Variants in CCDC149 observed in about 807,000 individuals in gnomAD.
CCDC149 encodes coiled-coil domain containing 149, also known as coiled-coil domain-containing protein 149.
In CCDC149, 45 loss-of-function variants were observed where a neutral mutation model predicts 59.9. That is an observed-to-expected ratio of 0.75 (90% CI 0.59 to 0.96). CCDC149 has a LOEUF of 0.96. CCDC149 is among the 40% of genes least tolerant of loss of function. CCDC149 has a pLI of 0.00. For missense variants in CCDC149, 584 were observed against 664.7 expected (o/e 0.88, Z 1.33); for synonymous variants, 245 against 260.6 (o/e 0.94, Z 0.58).
intron 2 of CCDC149, among the ~76,000 whole-genome samples, chr4:24,876,053 T>A (rs1158523842): frequency 6.6e-6 from 1 of 152,104 alleles, no homozygotes; most frequent in East Asian, 1.9e-4. Context: ...GGGATGTGAA[T>A]CACCCCTTCA....
intron 1 of CCDC149, among the ~76,000 whole-genome samples, chr4:24,961,319 C>CT (rs1429183614): frequency 1.3e-5 from 2 of 152,130 alleles, no homozygotes; most frequent in Admixed American, 6.6e-5. Context: ...AATAAAATAC[C>CT]TTTAAGAAAA....
chr4:24,852,952 T>G (rs1369413052), intron 4 of CCDC149, 120 bp downstream of exon 4: 2 of 689,924 alleles, frequency 2.9e-6, no homozygotes, highest in East Asian at 5.4e-5. Flanking sequence ...CATTATAAAT[T>G]TAAAAATCTA....
chr4:24,868,124 T>C (rs1467780117), intron 3 of CCDC149, among the ~76,000 whole-genome samples: 1 of 152,188 alleles, frequency 6.6e-6, no homozygotes, highest in Non-Finnish European at 1.5e-5. Flanking sequence ...GGAGACCCCA[T>C]CTCAGGGTGT....
chr4:24,857,154 T>C (rs992819728), intron 3 of CCDC149, among the ~76,000 whole-genome samples: 1 of 152,206 alleles, frequency 6.6e-6, no homozygotes, highest in African/African-American at 2.4e-5. Flanking sequence ...CCTTAGTCTC[T>C]GGTGGGCAGG....
chr4:24,913,517 A>G (rs189519889), upstream of CCDC149, among the ~76,000 whole-genome samples: 22 of 152,388 alleles, frequency 1.4e-4, no homozygotes, highest in East Asian at 4.2e-3. Context: ...GCTTGCTTAT[A>G]TATTTTTTAA....
intron 1 of CCDC149, among the ~76,000 whole-genome samples, chr4:24,947,374 T>G (rs1454707235): frequency 6.6e-6 from 1 of 152,182 alleles, no homozygotes; most frequent in Non-Finnish European, 1.5e-5. Flanking sequence ...AGGAAGGACA[T>G]GTTTTCTTCC....
chr4:24,821,493 G>A (rs1387365236), intron 10 of CCDC149, among the ~76,000 whole-genome samples: 1 of 152,208 alleles, frequency 6.6e-6, no homozygotes, highest in Non-Finnish European at 1.5e-5. Flanking sequence ...TTGACAACAA[G>A]TTCAAGGAAT....
At chr4:24,841,124 A>G (rs1192861328) in intron 4 of CCDC149, among the ~76,000 whole-genome samples, 2 of 152,180 alleles carry the variant, frequency 1.3e-5, no homozygotes, top group African/African-American at 4.8e-5. Flanking sequence ...GCCAAACAAA[A>G]CAATGTCTAT....
intron 1 of CCDC149, among the ~76,000 whole-genome samples, chr4:24,959,746 A>G (rs1162605119): frequency 6.6e-6 from 1 of 152,224 alleles, no homozygotes; most frequent in East Asian, 1.9e-4. Flanking sequence ...AAGTGAGAAG[A>G]CAATGGGACA....
chr4:24,861,937 C>G (rs1358487074), intron 3 of CCDC149, among the ~76,000 whole-genome samples: 1 of 152,134 alleles, frequency 6.6e-6, no homozygotes, highest in African/African-American at 2.4e-5. Flanking sequence ...TCAACAAACG[C>G]AGGAAGAAGA....
At chr4:24,938,852 C>T (rs921370093) in intron 1 of CCDC149, among the ~76,000 whole-genome samples, 6 of 150,734 alleles carry the variant, frequency 4.0e-5, no homozygotes, top group African/African-American at 9.7e-5. Flanking sequence ...GGGTGAGGGG[C>T]GCCCGCCATT....
intron 1 of CCDC149, among the ~76,000 whole-genome samples, chr4:24,890,585 T>C (rs1370433889): frequency 6.6e-6 from 1 of 152,216 alleles, no homozygotes; most frequent in Non-Finnish European, 1.5e-5. Flanking sequence ...GAAAACAATC[T>C]CCATTCCTAA....
At chr4:24,842,368 C>T (rs1255765428) in intron 4 of CCDC149, among the ~76,000 whole-genome samples, 1 of 152,118 alleles carries the variant, frequency 6.6e-6, no homozygotes, top group Admixed American at 6.6e-5. Context: ...GCAGAGCTCC[C>T]GAGCCAACCT....
chr4:24,867,922 G>A lies in CCDC149; in HGVS notation c.264+5759C>T, dbSNP rs1235153698. Among the ~76,000 whole-genome samples, 4 of 152,326 alleles carry A rather than the reference G, an allele frequency of 2.6e-5. No individual in the cohort carries two copies. The East Asian group carries it at 7.7e-4, about 29-fold the overall frequency. ...GCCAGTGGGCAATAATACGCACATTGTGGTGTCTTCTCCTTTTCCTATACA... is the reference window on the plus strand; with the variant it reads ...GCCAGTGGGCAATAATACGCACATTATGGTGTCTTCTCCTTTTCCTATACA... On this transcript the variant is annotated intron_variant, in intron 3 of 12. Coordinates refer to ENST00000635206, the MANE Select transcript of CCDC149 (RefSeq NM_001330643.2).
At chr4:24,872,680 T>A (rs553308962) in intron 3 of CCDC149, among the ~76,000 whole-genome samples, 2 of 148,752 alleles carry the variant, frequency 1.3e-5, no homozygotes, top group South Asian at 4.2e-4. Context: ...CTGAACAGTA[T>A]GCACCCACTA....
downstream of CCDC149, among the ~76,000 whole-genome samples, chr4:24,803,584 T>C (rs1022915470): frequency 2.8e-4 from 43 of 152,344 alleles, no homozygotes; most frequent in African/African-American, 9.6e-4. The surrounding 1 kb of genome is among the most constrained non-coding windows in gnomAD (Gnocchi z 4.3). Context: ...ACAATGACCA[T>C]AGAATCCAAT....
intron 3 of CCDC149, among the ~76,000 whole-genome samples, chr4:24,866,803 A>AT (rs1460674789): frequency 1.2e-4 from 12 of 97,412 alleles, no homozygotes; most frequent in African/African-American, 6.1e-4. Context: ...AAAAAAAAAA[A>AT]AATATACACA....
At chr4:24,835,851 G>C (rs1716480334) in intron 7 of CCDC149, among the ~76,000 whole-genome samples, 1 of 152,088 alleles carries the variant, frequency 6.6e-6, no homozygotes, top group African/African-American at 2.4e-5. Flanking sequence ...GAGAAACCCA[G>C]GAGATTTTTC....
At chr4:24,979,575 G>A (rs1370829017) in intron 1 of CCDC149, among the ~76,000 whole-genome samples, 1 of 152,188 alleles carries the variant, frequency 6.6e-6, no homozygotes, top group Non-Finnish European at 1.5e-5. Flanking sequence ...TATTCACAAT[G>A]TAATGATTTC....
Sources: gnomAD v4.1 joint callset for allele counts (sites outside exome capture counted in the v4.1 genomes callset) on GRCh38, gnomAD v4.1.1 for gene constraint, Gnocchi (gnomAD v3.1) non-coding constraint, MANE v1.5 for transcripts, NCBI Gene and HGNC (gene_info 2026-07-23, HGNC 2026-07-21) for gene names.